The following GPC6 variants were observed in gnomAD, a reference collection of about 807,000 sequenced individuals.
GPC6 encodes the protein glypican 6, also known as glypican-6.
In GPC6, 14 loss-of-function variants were observed where a neutral mutation model predicts 55.2. The observed-to-expected ratio is 0.25, with a 90% CI of 0.17 to 0.40. GPC6 has a LOEUF of 0.40. Among genes scored for constraint, GPC6 ranks in the 10% least tolerant of loss-of-function variants. The probability of loss-of-function intolerance (pLI) is 1.00; values close to 1 mark genes in which losing one functional copy is unlikely to be tolerated. For missense variants in GPC6, 641 were observed against 708.5 expected (o/e 0.90, Z 1.08); for synonymous variants, 278 against 259.6 (o/e 1.07, Z -0.68).
At chr13:93,839,308 C>A (rs9301913) in intron 3 of GPC6, among the ~76,000 whole-genome samples, 4 of 151,860 alleles carry the variant, frequency 2.6e-5, no homozygotes, top group African/African-American at 9.7e-5. Context: ...ACAAGATACA[C>A]ACCAAAATTG....
intron 1 of GPC6, among the ~76,000 whole-genome samples, chr13:93,434,282 T>G (rs139740237): frequency 0.011 from 1,648 of 152,290 alleles, 18 homozygotes; most frequent in Non-Finnish European, 0.016. Flanking sequence ...TAGCACAGCC[T>G]ATAGACTGAT....
At chr13:93,875,239 C>T (rs1889254542) in intron 3 of GPC6, among the ~76,000 whole-genome samples, 1 of 151,958 alleles carries the variant, frequency 6.6e-6, no homozygotes, top group African/African-American at 2.4e-5. Flanking sequence ...CTATCCTGAC[C>T]TGCCATTTCT....
chr13:93,303,161 C>G (rs1472960481), intron 1 of GPC6, among the ~76,000 whole-genome samples: 1 of 152,144 alleles, frequency 6.6e-6, no homozygotes, highest in African/African-American at 2.4e-5. Context: ...AATGGAGCCC[C>G]AGAACCACTT....
chr13:93,670,906 G>A (rs1334998492), intron 2 of GPC6, among the ~76,000 whole-genome samples: 1 of 152,176 alleles, frequency 6.6e-6, no homozygotes, highest in East Asian at 1.9e-4. Flanking sequence ...AACACTGGAA[G>A]GTGCTTAGAA....
intron 3 of GPC6, among the ~76,000 whole-genome samples, chr13:94,023,534 A>G (rs1462097578): frequency 6.6e-6 from 1 of 152,072 alleles, no homozygotes; most frequent in Non-Finnish European, 1.5e-5. Context: ...GAAATGTAAA[A>G]TGTTACAAAC....
chr13:93,514,610 C>T (rs756812286), intron 1 of GPC6, among the ~76,000 whole-genome samples: 6 of 152,112 alleles, frequency 3.9e-5, no homozygotes, highest in East Asian at 3.9e-4. Flanking sequence ...GATTCTCCTG[C>T]GTATGGGCAC....
intron 2 of GPC6, among the ~76,000 whole-genome samples, chr13:93,717,371 G>T (rs1036455665): frequency 2.0e-5 from 3 of 151,550 alleles, no homozygotes; most frequent in African/African-American, 7.3e-5. Context: ...ATATGTAGGT[G>T]TGTAAATAAA....
At chr13:93,931,021 C>T (rs368715940) in intron 3 of GPC6, among the ~76,000 whole-genome samples, 4 of 151,950 alleles carry the variant, frequency 2.6e-5, no homozygotes, top group African/African-American at 2.4e-5. Flanking sequence ...ATCTCGCAAG[C>T]GCTCACTCAC....
intron 4 of GPC6, among the ~76,000 whole-genome samples, chr13:94,249,947 C>G (rs976592820): frequency 6.6e-6 from 1 of 152,086 alleles, no homozygotes; most frequent in Non-Finnish European, 1.5e-5. Context: ...GCCATGCGGA[C>G]AGGAAATGTC....
At chr13:94,067,570 A>G (rs1884565115) in intron 4 of GPC6, among the ~76,000 whole-genome samples, 1 of 148,100 alleles carries the variant, frequency 6.8e-6, no homozygotes, top group Non-Finnish European at 1.5e-5. Flanking sequence ...AGAGATAGAT[A>G]GATAGATTAT....
intron 1 of GPC6, among the ~76,000 whole-genome samples, chr13:93,382,102 T>G (rs1224417254): frequency 6.6e-6 from 1 of 152,110 alleles, no homozygotes; most frequent in Non-Finnish European, 1.5e-5. Context: ...TTGTCCAAAG[T>G]TTGTACGAGA....
chr13:93,621,351 C>A (rs1366152989), intron 2 of GPC6, among the ~76,000 whole-genome samples: 1 of 152,080 alleles, frequency 6.6e-6, no homozygotes, highest in African/African-American at 2.4e-5. Context: ...TTCTGAACAC[C>A]CTGTCTTTGC....
At chr13:93,755,743 G>A (rs1463822772) in intron 2 of GPC6, among the ~76,000 whole-genome samples, 6 of 152,166 alleles carry the variant, frequency 3.9e-5, no homozygotes, top group Non-Finnish European at 8.8e-5. Context: ...TTGAGCCATC[G>A]TAGTGAATAG....
chr13:93,953,944 T>C (rs1376038636), intron 3 of GPC6, among the ~76,000 whole-genome samples: 8 of 152,202 alleles, frequency 5.3e-5, no homozygotes, highest in African/African-American at 1.9e-4. Context: ...TTTTAAAGTG[T>C]ACAATTCACT....
intron 1 of GPC6, among the ~76,000 whole-genome samples, chr13:93,339,377 T>TAAAAAAAAAA (rs3074917): frequency 7.3e-6 from 1 of 137,532 alleles, no homozygotes; most frequent in Non-Finnish European, 1.6e-5. Context: ...CATCATCTAT[T>TAAAAAAAAAA]AAAAAAAAAA....
intron 2 of GPC6, among the ~76,000 whole-genome samples, chr13:93,640,908 C>CT (rs112616361): frequency 0.05 from 7,355 of 148,380 alleles, 704 homozygotes; most frequent in African/African-American, 0.18. Context: ...CTTTTCCTTC[C>CT]TTTTTTTCTC....
At chr13:94,190,252 G>A (rs571839512) in intron 4 of GPC6, among the ~76,000 whole-genome samples, 29 of 152,058 alleles carry the variant, frequency 1.9e-4, no homozygotes, top group Non-Finnish European at 2.5e-4. Context: ...CCCGGGAGGC[G>A]GAGGTTGCAG....
chr13:93,789,803 GGCAGTCA>G (rs1242637949), intron 2 of GPC6, among the ~76,000 whole-genome samples: 1 of 150,636 alleles, frequency 6.6e-6, no homozygotes, highest in African/African-American at 2.4e-5. Flanking sequence ...CTAGTTCAGG[GGCAGTCA>G]GGAGAGAAGT....
intron 4 of GPC6, among the ~76,000 whole-genome samples, chr13:94,123,153 C>G (rs1014674087): frequency 6.6e-6 from 1 of 151,846 alleles, no homozygotes; most frequent in African/African-American, 2.4e-5. Context: ...GAGACATAGA[C>G]AAAATACTAT....
Sources: gnomAD v4.1 joint callset for allele counts (sites outside exome capture counted in the v4.1 genomes callset) on GRCh38, gnomAD v4.1.1 for gene constraint, MANE v1.5 for transcripts, NCBI Gene and HGNC (gene_info 2026-07-23, HGNC 2026-07-21) for gene names.